The following LRRC37A2 variants were observed in gnomAD, a reference collection of about 807,000 sequenced individuals.
LRRC37A2 encodes the protein leucine rich repeat containing 37 member A2.
LRRC37A2 carries 9 observed loss-of-function variants against 68.8 expected under a neutral mutation model. The observed-to-expected ratio is 0.13, with a 90% confidence interval of 0.08 to 0.23. The LOEUF (loss-of-function observed/expected upper bound fraction) is 0.23. LRRC37A2 is among the 10% of genes least tolerant of loss of function. LRRC37A2 has a pLI of 1.00. For synonymous variants in LRRC37A2, 63 were observed against 367.6 expected (o/e 0.17, Z 9.48); for missense variants, 168 against 950.4 (o/e 0.18, Z 10.82).
the LRRC37A2 span, among the ~76,000 whole-genome samples, chr17:46,828,876 C>T: frequency 3.6e-3 from 525 of 145,226 alleles, 4 homozygotes; most frequent in African/African-American, 0.012. Flanking sequence ...GCTGGAGAAT[C>T]GCTTGAGCCC....
At chr17:46,551,150 A>G (rs1362330022) in intron 11 of LRRC37A2, among the ~76,000 whole-genome samples, 1 of 149,560 alleles carries the variant, frequency 6.7e-6, no homozygotes, top group African/African-American at 2.6e-5. Context: ...CATTTCTTGG[A>G]CACCATGTGA....
chr17:47,022,163 G>GTTTTTTTT, the LRRC37A2 span, among the ~76,000 whole-genome samples: 1 of 19,364 alleles, frequency 5.2e-5, no homozygotes. Flanking sequence ...ATTCCTTTTT[G>GTTTTTTTT]TTCTCTTTTT....
At chr17:46,927,070 C>T in the LRRC37A2 span, among the ~76,000 whole-genome samples, 1 of 152,192 alleles carries the variant, frequency 6.6e-6, no homozygotes. Flanking sequence ...CATATGTCCC[C>T]AAACTTTAAA....
At chr17:46,703,699 A>AAAAAAAAAAAAAAAG in the LRRC37A2 span, among the ~76,000 whole-genome samples, 1 of 148,962 alleles carries the variant, frequency 6.7e-6, no homozygotes, top group Non-Finnish European at 1.5e-5. Flanking sequence ...AAAAAAAAAA[A>AAAAAAAAAAAAAAAG]AAAAACAAAA....
At chr17:46,749,743 C>A in the LRRC37A2 span, 1 of 1,597,632 alleles carries the variant, frequency 6.3e-7, no homozygotes, top group Non-Finnish European at 8.5e-7. Flanking sequence ...TTATTATGTA[C>A]ATTTTAACAC....
At chr17:46,908,154 C>T in the LRRC37A2 span, among the ~76,000 whole-genome samples, 1 of 152,050 alleles carries the variant, frequency 6.6e-6, no homozygotes, top group African/African-American at 2.4e-5. Flanking sequence ...GATGAGCCCC[C>T]AGTCCTCCTG....
At chr17:47,019,422 A>C in the LRRC37A2 span, 1 of 1,610,938 alleles carries the variant, frequency 6.2e-7, no homozygotes, top group Non-Finnish European at 8.5e-7. Flanking sequence ...CACGGAGGAG[A>C]CCTCAACTCA....
chr17:46,998,892 C>T, the LRRC37A2 span: 1 of 150,824 alleles, frequency 6.6e-6, no homozygotes, highest in Non-Finnish European at 1.5e-5. Context: ...TGGCCTCTGC[C>T]CACCTGCACT....
chr17:46,392,431 C>CTTTCTT, the LRRC37A2 span, among the ~76,000 whole-genome samples: 198 of 29,670 alleles, frequency 6.7e-3, 15 homozygotes, highest in Non-Finnish European at 0.012. Flanking sequence ...CTTTCTTTCT[C>CTTTCTT]TCTTTCTTTC....
chr17:46,605,388 C>T, the LRRC37A2 span, among the ~76,000 whole-genome samples: 1 of 128,290 alleles, frequency 7.8e-6, no homozygotes, highest in Non-Finnish European at 1.7e-5. Context: ...GTGGAGGTTG[C>T]AGTGAGCCGA....
At chr17:46,833,051 A>G in the LRRC37A2 span, 13 of 328,880 alleles carry the variant, frequency 4.0e-5, no homozygotes, top group Non-Finnish European at 2.4e-5. Flanking sequence ...CAGCGCAGTG[A>G]CTGCTGTGTC....
the LRRC37A2 span, among the ~76,000 whole-genome samples, chr17:46,839,013 G>T: frequency 6.6e-6 from 1 of 152,082 alleles, no homozygotes; most frequent in Non-Finnish European, 1.5e-5. Flanking sequence ...GAATAGCTGG[G>T]ATTACAGGCG....
At chr17:46,545,119 GATCTTCC>G in intron 8 of LRRC37A2, among the ~76,000 whole-genome samples, 1 of 129,934 alleles carries the variant, frequency 7.7e-6, no homozygotes, top group South Asian at 2.3e-4. Context: ...TGACTAAGGT[GATCTTCC>G]AGGTCTCTCC....
chr17:46,912,014 G>C, the LRRC37A2 span, among the ~76,000 whole-genome samples: 3 of 152,076 alleles, frequency 2.0e-5, no homozygotes, highest in Admixed American at 6.6e-5. Context: ...TCTACACTAG[G>C]CCAACCCCCA....
At chr17:46,931,609 A>G in the LRRC37A2 span, 5 of 296,372 alleles carry the variant, frequency 1.7e-5, no homozygotes, top group South Asian at 2.1e-4. Flanking sequence ...TGCTGATCTA[A>G]TGTTTGATAC....
chr17:46,806,626 G>T, the LRRC37A2 span, among the ~76,000 whole-genome samples: 2 of 152,364 alleles, frequency 1.3e-5, no homozygotes, highest in South Asian at 2.1e-4. Flanking sequence ...GCAGAGAAAG[G>T]CTCCAGAATC....
At chr17:46,873,144 A>G in the LRRC37A2 span, among the ~76,000 whole-genome samples, 1 of 151,606 alleles carries the variant, frequency 6.6e-6, no homozygotes, top group African/African-American at 2.4e-5. Flanking sequence ...GAAACAAGGC[A>G]CATGAAGACG....
intron 8 of LRRC37A2, among the ~76,000 whole-genome samples, chr17:46,545,050 G>C (rs1428936863): frequency 4.3e-5 from 6 of 138,118 alleles, no homozygotes; most frequent in African/African-American, 1.7e-4. Context: ...TACTGCATAG[G>C]TGATGTATCC....
the LRRC37A2 span, among the ~76,000 whole-genome samples, chr17:46,897,090 A>C: frequency 6.6e-6 from 1 of 152,328 alleles, no homozygotes; most frequent in Admixed American, 6.5e-5. Context: ...CAGAAGAGAA[A>C]GAATCTGCTG....
Sources: allele counts gnomAD v4.1 joint callset (sites outside exome capture counted in the v4.1 genomes callset), GRCh38; gene constraint gnomAD v4.1.1; transcripts MANE v1.5; gene names NCBI Gene and HGNC (gene_info 2026-07-23, HGNC 2026-07-21).